The following WDR41 variants were observed in gnomAD, a reference collection of about 807,000 sequenced individuals.
The protein encoded by WDR41 is WD repeat-containing protein 41.
WDR41 carries 63 observed loss-of-function variants against 69.3 expected under a neutral mutation model. The observed-to-expected ratio is 0.91, with a 90% CI of 0.74 to 1.12. The LOEUF (loss-of-function observed/expected upper bound fraction) is 1.12, where lower values mean the gene tolerates loss of function less well. WDR41 is among the 50% of genes most tolerant of loss of function. WDR41 has a pLI of 0.00. For missense variants in WDR41, 543 were observed against 534.5 expected, an observed-to-expected ratio of 1.02 and a Z score of -0.16; for synonymous variants, 185 against 192.1, an observed-to-expected ratio of 0.96 and a Z score of 0.31.
chr5:77,620,463 C>T (rs918201774), intron 1 of WDR41: 2 of 455,362 alleles, frequency 4.4e-6, no homozygotes, highest in Non-Finnish European at 8.8e-6. Flanking sequence ...GAAGTCCCAA[C>T]AAAAACTTCA....
At chr5:77,590,770 C>T (rs539613611) in intron 1 of WDR41, among the ~76,000 whole-genome samples, 2 of 152,248 alleles carry the variant, frequency 1.3e-5, no homozygotes, top group Non-Finnish European at 2.9e-5. Context: ...ACAACTTATG[C>T]TAAGTAAAAT....
chr5:77,494,618 A>C (rs1414428284), upstream of WDR41, among the ~76,000 whole-genome samples: 2 of 152,192 alleles, frequency 1.3e-5, no homozygotes, highest in African/African-American at 2.4e-5. Flanking sequence ...AAGATAAAAC[A>C]ATTACAAATA....
chr5:77,512,506 C>T (rs761450529), intron 1 of WDR41, among the ~76,000 whole-genome samples: 18 of 150,876 alleles, frequency 1.2e-4, no homozygotes, highest in Non-Finnish European at 2.5e-4. Flanking sequence ...AATCCCGGCA[C>T]TTTGGGAGGC....
chr5:77,449,282 T>G (rs1799528639), intron 8 of WDR41, among the ~76,000 whole-genome samples: 1 of 152,246 alleles, frequency 6.6e-6, no homozygotes, highest in Non-Finnish European at 1.5e-5. Context: ...TGCAGACTTT[T>G]ACTTTAGTTT....
At chr5:77,448,955 G>A (rs1432394904) in intron 8 of WDR41, among the ~76,000 whole-genome samples, 1 of 152,040 alleles carries the variant, frequency 6.6e-6, no homozygotes, top group East Asian at 1.9e-4. Flanking sequence ...GTGCTGTCTA[G>A]CCCTCCCACT....
At chr5:77,523,674 T>A (rs1473556612) in intron 1 of WDR41, among the ~76,000 whole-genome samples, 1 of 152,210 alleles carries the variant, frequency 6.6e-6, no homozygotes, top group Non-Finnish European at 1.5e-5. Flanking sequence ...TACCAGGCTC[T>A]TTTTTAGTTT....
intron 3 of WDR41, among the ~76,000 whole-genome samples, chr5:77,463,712 C>T (rs1357176267): frequency 1.3e-5 from 2 of 152,148 alleles, no homozygotes; most frequent in African/African-American, 2.4e-5. Flanking sequence ...GTCTCCACTC[C>T]ATCGTTATTT....
At chr5:77,524,204 C>T (rs1022685738) in intron 1 of WDR41, among the ~76,000 whole-genome samples, 1 of 152,126 alleles carries the variant, frequency 6.6e-6, no homozygotes, top group South Asian at 2.1e-4. Context: ...AAAATAGAAT[C>T]GGTAACTTGC....
chr5:77,574,929 C>T (rs889023824), intron 1 of WDR41, among the ~76,000 whole-genome samples: 1 of 152,170 alleles, frequency 6.6e-6, no homozygotes, highest in African/African-American at 2.4e-5. Flanking sequence ...ACATCTTAAT[C>T]TCCAGAGACC....
intron 1 of WDR41, among the ~76,000 whole-genome samples, chr5:77,529,668 G>T (rs985851510): frequency 1.3e-5 from 2 of 151,424 alleles, no homozygotes; most frequent in Admixed American, 1.3e-4. Flanking sequence ...TATGAAGACA[G>T]ACCAACAGAT....
At chr5:77,492,083 C>G in intron 1 of WDR41, 87 bp downstream of exon 1, 1 of 1,514,326 alleles carries the variant, frequency 6.6e-7, no homozygotes, top group South Asian at 1.2e-5. Flanking sequence ...CGGGTCCCCG[C>G]GGTCGGAACC....
At chr5:77,524,986 C>A (rs948047063) in intron 1 of WDR41, among the ~76,000 whole-genome samples, 1 of 152,148 alleles carries the variant, frequency 6.6e-6, no homozygotes, top group East Asian at 1.9e-4. Context: ...AAAATCAGTC[C>A]TCTGGAGGAT....
At chr5:77,488,758 A>G (rs1801633545) in intron 2 of WDR41, among the ~76,000 whole-genome samples, 1 of 152,206 alleles carries the variant, frequency 6.6e-6, no homozygotes, top group Non-Finnish European at 1.5e-5. Flanking sequence ...ATGGTGAATA[A>G]GAAAAACATA....
intron 2 of WDR41, among the ~76,000 whole-genome samples, chr5:77,480,377 A>G (rs948375922): frequency 6.6e-6 from 1 of 152,140 alleles, no homozygotes; most frequent in Non-Finnish European, 1.5e-5. Context: ...ATGCATACGT[A>G]TGTTTATTGC....
chr5:77,556,162 G>A (rs1453164610), intron 1 of WDR41, among the ~76,000 whole-genome samples: 1 of 140,236 alleles, frequency 7.1e-6, no homozygotes, highest in Non-Finnish European at 1.5e-5. Context: ...GAAGTGCAGT[G>A]GTGCGATCTC....
In WDR41 at chr5:77,492,197, T is replaced by C; in HGVS notation, c.24A>G (p.Gly8=). 1 of 1,611,910 alleles carries C rather than the reference T, an allele frequency of 6.2e-7. No individual in the cohort carries two copies. Among genetic ancestry groups the C allele is most frequent in the Non-Finnish European group, 8.5e-7 (1 of 1,179,308 alleles). MLRWLIG[G]GREPQGLAEK... is the part of the protein sequence containing the mutation. The stretch of plus-strand genomic sequence containing the variant: ...CGGCCAGTCCCTGCGGTTCTCGGCC[T>C]CCCCCGATCAGCCATCGCAACATCC... The change falls in exon 1 of 13, where the codon GGA becomes GGG. Residue 8 remains glycine (G), a synonymous_variant. Coordinates refer to ENST00000296679, the MANE Select transcript of WDR41 (RefSeq NM_018268.4).
chr5:77,495,682 C>A (rs1281617812), upstream of WDR41, among the ~76,000 whole-genome samples: 1 of 151,898 alleles, frequency 6.6e-6, no homozygotes. Flanking sequence ...ATGAATCTAC[C>A]AAACATTTAA....
In WDR41 at chr5:77,601,479, A is replaced by G. The variant is rs142534245; in HGVS notation, c.42+19000T>C. On this transcript the variant is annotated intron_variant, in intron 1 of 5. Transcript: ENST00000509971. Reference sequence around the variant, plus strand: ...GTAAAGCAGAGAAACTATAAATAACATTAATTTTAAATGTATTGTTTATAA... The same window carrying G: ...GTAAAGCAGAGAAACTATAAATAACGTTAATTTTAAATGTATTGTTTATAA... Among the ~76,000 whole-genome samples the G allele has an allele frequency of 5.9e-3, 900 of 152,298 alleles. 7 individuals are homozygous for G. Among genetic ancestry groups the G allele is most frequent in the African/African-American group, 0.02 (852 of 41,572 alleles).
intron 1 of WDR41, among the ~76,000 whole-genome samples, chr5:77,572,852 A>G (rs1002019325): frequency 6.6e-6 from 1 of 152,160 alleles, no homozygotes; most frequent in Non-Finnish European, 1.5e-5. Flanking sequence ...TTCATTTTGT[A>G]TCTTTCATTA....
Sources: allele counts gnomAD v4.1 joint callset (sites outside exome capture counted in the v4.1 genomes callset), GRCh38; gene constraint gnomAD v4.1.1; transcripts MANE v1.5; gene names NCBI Gene and HGNC (gene_info 2026-07-23, HGNC 2026-07-21).